RNF130: variants seen among roughly 807,000 people sequenced by gnomAD.
RNF130 encodes E3 ubiquitin-protein ligase RNF130.
A neutral mutation model predicts 44.6 loss-of-function variants in RNF130; 21 were observed. That is an observed-to-expected ratio of 0.47 (90% confidence interval 0.33 to 0.68). The LOEUF is 0.68. Ranked by LOEUF, RNF130 falls within the 30% of genes least tolerant of loss-of-function variation. RNF130 has a pLI of 0.02. For synonymous variants in RNF130, 214 were observed against 210.4 expected (o/e 1.02, Z -0.15); for missense variants, 479 against 560.6 (o/e 0.85, Z 1.47).
chr5:179,995,222 C>G (rs1727305295), intron 3 of RNF130, among the ~76,000 whole-genome samples: 1 of 152,116 alleles, frequency 6.6e-6, no homozygotes. Flanking sequence ...CTCTCCAGAA[C>G]CATCAGGACT....
chr5:179,921,847 C>T (rs1438130306), intron 7 of RNF130, among the ~76,000 whole-genome samples: 1 of 149,132 alleles, frequency 6.7e-6, no homozygotes, highest in Non-Finnish European at 1.5e-5. Flanking sequence ...ATAGTGAAAC[C>T]CCGTCTCTAC....
At chr5:179,988,137 A>C (rs1254694029) in intron 3 of RNF130, among the ~76,000 whole-genome samples, 2 of 152,066 alleles carry the variant, frequency 1.3e-5, no homozygotes, top group Non-Finnish European at 2.9e-5. Context: ...TGTTCTGTTC[A>C]TGTTTTCTAT....
At chr5:180,025,425 G>A (rs750325099) in intron 2 of RNF130, among the ~76,000 whole-genome samples, 7 of 152,166 alleles carry the variant, frequency 4.6e-5, no homozygotes, top group East Asian at 3.8e-4. Context: ...CTTGGGACAC[G>A]GAGACTGCAA....
At chr5:180,016,925 A>G (rs1449758601) in intron 2 of RNF130, among the ~76,000 whole-genome samples, 2 of 152,212 alleles carry the variant, frequency 1.3e-5, no homozygotes, top group Non-Finnish European at 2.9e-5. Context: ...CGTGGCCACA[A>G]TTCATTTACT....
chr5:180,014,718 G>C (rs1763679344), intron 2 of RNF130, among the ~76,000 whole-genome samples: 1 of 152,230 alleles, frequency 6.6e-6, no homozygotes, highest in South Asian at 2.1e-4. Context: ...GGGCGTGGTG[G>C]CTCATGCCTA....
chr5:179,940,364 G>A (rs969352576), intron 7 of RNF130, among the ~76,000 whole-genome samples: 2 of 151,914 alleles, frequency 1.3e-5, no homozygotes, highest in Admixed American at 6.6e-5. Flanking sequence ...GGGATTACAG[G>A]TGCCCGGCAC....
intron 7 of RNF130, among the ~76,000 whole-genome samples, chr5:179,931,566 C>A (rs555774131): frequency 1.3e-5 from 2 of 151,870 alleles, no homozygotes; most frequent in Admixed American, 6.6e-5. Context: ...GTCAGGAGTT[C>A]GGGACCAGCC....
rs1762187566 is a variant in RNF130 at position 179,955,242 on chromosome 5, A to C, written c.*412T>G. The C allele has an allele frequency of 6.2e-6, 1 of 160,976 alleles. No individual in the cohort carries two copies. The highest frequency in any genetic ancestry group is 2.0e-4 in the South Asian group (1 of 4,952). 10.0% of individuals were successfully genotyped at this position (160,976 alleles called of 1,614,324 possible). A position where few individuals can be genotyped will look rare whatever the true frequency, so the allele number is the denominator to read the frequency against. ...ACAGAGTGAATGTCCCCCTTGAAGA[A>C]TGAGTAAATCAACTGACCATCCTAA... On this transcript the variant is annotated 3_prime_UTR_variant, in exon 9 of 9. Coordinates refer to ENST00000521389, the MANE Select transcript of RNF130 (RefSeq NM_018434.6).
chr5:180,057,032 G>A (rs1296503464), intron 1 of RNF130, among the ~76,000 whole-genome samples: 1 of 152,222 alleles, frequency 6.6e-6, no homozygotes, highest in East Asian at 1.9e-4. Flanking sequence ...AGTGACAGGG[G>A]TGAGAGGAGC....
intron 7 of RNF130, among the ~76,000 whole-genome samples, chr5:179,946,927 G>A (rs2113686530): frequency 6.6e-6 from 1 of 152,282 alleles, no homozygotes; most frequent in East Asian, 1.9e-4. Context: ...AGGGCCGGTT[G>A]CCACCCTAGC....
chr5:179,949,338 C>T (rs1003225030), intron 7 of RNF130, among the ~76,000 whole-genome samples: 2 of 151,154 alleles, frequency 1.3e-5, no homozygotes, highest in African/African-American at 4.9e-5. Context: ...AACCATAGCT[C>T]ACTATATCCT....
chr5:179,958,925 C>G (rs892162896), intron 8 of RNF130, among the ~76,000 whole-genome samples: 1 of 152,144 alleles, frequency 6.6e-6, no homozygotes, highest in African/African-American at 2.4e-5. Context: ...AGGTGATCTG[C>G]CCACCTCAGC....
chr5:180,066,697 C>G (rs1183375516), intron 1 of RNF130, among the ~76,000 whole-genome samples: 1 of 151,924 alleles, frequency 6.6e-6, no homozygotes, highest in Non-Finnish European at 1.5e-5. Flanking sequence ...ATTAGCCGTG[C>G]TTGGTGGCAC....
At chr5:180,063,007 G>A (rs968060555) in intron 1 of RNF130, among the ~76,000 whole-genome samples, 8 of 152,180 alleles carry the variant, frequency 5.3e-5, no homozygotes, top group Non-Finnish European at 1.0e-4. Context: ...TTCAGAAGGT[G>A]AGTAAGGGTG....
chr5:179,968,667 TAAAAAAAAAA>T (rs35941932), intron 6 of RNF130, among the ~76,000 whole-genome samples: 1 of 68,106 alleles, frequency 1.5e-5, no homozygotes, highest in Non-Finnish European at 3.4e-5. Flanking sequence ...CTCTGTCTCA[TAAAAAAAAAA>T]AAAAAAAAAA....
intron 7 of RNF130, chr5:179,933,743 G>T: frequency 5.1e-6 from 2 of 394,928 alleles, no homozygotes; most frequent in Non-Finnish European, 9.4e-6. Flanking sequence ...GGCTGGTCTC[G>T]AACTCTTAGG....
intron 6 of RNF130, among the ~76,000 whole-genome samples, chr5:179,969,606 G>A (rs1367081128): frequency 6.6e-6 from 1 of 152,020 alleles, no homozygotes; most frequent in Non-Finnish European, 1.5e-5. Context: ...GGTGACTCAC[G>A]CCTATAATCC....
chr5:179,980,841 C>T (rs1206167258), intron 3 of RNF130, among the ~76,000 whole-genome samples: 1 of 152,204 alleles, frequency 6.6e-6, no homozygotes, highest in Non-Finnish European at 1.5e-5. Flanking sequence ...TTCTCCCAGA[C>T]ACTGCTAGCA....
At chr5:179,973,144 C>T (rs938472909) in intron 5 of RNF130, among the ~76,000 whole-genome samples, 1 of 152,160 alleles carries the variant, frequency 6.6e-6, no homozygotes, top group African/African-American at 2.4e-5. Flanking sequence ...AACACCCTTC[C>T]CTCCTGTCTT....
Sources: gnomAD v4.1 joint callset for allele counts (sites outside exome capture counted in the v4.1 genomes callset) on GRCh38, gnomAD v4.1.1 for gene constraint, MANE v1.5 for transcripts, NCBI Gene and HGNC (gene_info 2026-07-23, HGNC 2026-07-21) for gene names.